Variants in SPAG16 observed in about 807,000 individuals in gnomAD.
The protein encoded by SPAG16 is sperm associated antigen 16.
Under a neutral mutation model 80.4 loss-of-function variants are expected in SPAG16, and 86 were observed. The ratio of observed to expected loss-of-function variants is 1.07; its 90% confidence interval spans 0.90 to 1.28. SPAG16 has a LOEUF of 1.28. Ranked by LOEUF, SPAG16 falls within the 50% of genes most tolerant of loss-of-function variation. The pLI is 0.00. For missense variants in SPAG16, 870 were observed against 765.3 expected, an observed-to-expected ratio of 1.14 and a Z score of -1.61; for synonymous variants, 294 against 265.9, an observed-to-expected ratio of 1.11 and a Z score of -1.03.
chr2:213,941,519 C>T (rs937521557), intron 12 of SPAG16, among the ~76,000 whole-genome samples: 4 of 152,006 alleles, frequency 2.6e-5, no homozygotes, highest in African/African-American at 4.8e-5. Context: ...TTTCCCCTAC[C>T]GCTGGATCTG....
chr2:214,249,072 T>G (rs376710330), intron 15 of SPAG16, among the ~76,000 whole-genome samples: 1 of 152,146 alleles, frequency 6.6e-6, no homozygotes, highest in Non-Finnish European at 1.5e-5. Flanking sequence ...AGCCCACAGA[T>G]TGATAGCACC....
intron 12 of SPAG16, among the ~76,000 whole-genome samples, chr2:214,003,151 G>A (rs2046871441): frequency 6.6e-6 from 1 of 152,126 alleles, no homozygotes; most frequent in African/African-American, 2.4e-5. Flanking sequence ...GAACCAGTAC[G>A]AGTCAACTGC....
intron 10 of SPAG16, among the ~76,000 whole-genome samples, chr2:213,804,682 CAACTAACT>C (rs75058174): frequency 0.11 from 16,516 of 148,658 alleles, 1,024 homozygotes; most frequent in South Asian, 0.19. Flanking sequence ...GACTCCGTCT[CAACTAACT>C]AACTAACTAA....
intron 15 of SPAG16, among the ~76,000 whole-genome samples, chr2:214,228,428 T>A (rs1688434057): frequency 6.6e-6 from 1 of 151,938 alleles, no homozygotes; most frequent in African/African-American, 2.4e-5. Flanking sequence ...TATAAGTAAT[T>A]TTTTAAGCTA....
chr2:213,336,614 G>A (rs74365153), intron 5 of SPAG16, among the ~76,000 whole-genome samples: 3,631 of 152,324 alleles, frequency 0.024, 62 homozygotes, highest in African/African-American at 0.039. Flanking sequence ...CACAGCAGCT[G>A]TGTCAGTTCA....
intron 12 of SPAG16, among the ~76,000 whole-genome samples, 195 bp from the exon 13 acceptor site, chr2:214,013,756 G>C (rs2047438110): frequency 1.3e-5 from 2 of 152,118 alleles, no homozygotes; most frequent in South Asian, 2.1e-4. Context: ...TTTGAGTGTA[G>C]TTTTATGCTA....
intron 10 of SPAG16, among the ~76,000 whole-genome samples, chr2:213,654,540 C>CAAAA (rs36009811): frequency 7.1e-5 from 4 of 56,734 alleles, no homozygotes; most frequent in African/African-American, 2.3e-4. Context: ...ACTAAAAATA[C>CAAAA]AAAAAAAAAA....
intron 10 of SPAG16, among the ~76,000 whole-genome samples, chr2:213,554,235 G>A (rs921392448): frequency 4.6e-5 from 7 of 152,170 alleles, no homozygotes; most frequent in African/African-American, 1.7e-4. Context: ...AGTGTTGGTT[G>A]CTGAGGATCC....
At chr2:214,281,585 C>T (rs1020251888) in intron 15 of SPAG16, 5 of 152,158 alleles carry the variant, frequency 3.3e-5, no homozygotes, top group African/African-American at 9.7e-5. Context: ...CTCACACACT[C>T]CTGGTGGGAA....
intron 9 of SPAG16, among the ~76,000 whole-genome samples, chr2:213,488,011 T>C (rs2074062324): frequency 6.6e-6 from 1 of 152,064 alleles, no homozygotes; most frequent in Admixed American, 6.5e-5. Flanking sequence ...CAATAATTTT[T>C]TCCATAGGCT....
At chr2:213,765,096 G>A (rs941166699) in intron 10 of SPAG16, among the ~76,000 whole-genome samples, 1 of 152,206 alleles carries the variant, frequency 6.6e-6, no homozygotes, top group African/African-American at 2.4e-5. Flanking sequence ...GGCCGGGCAC[G>A]ATGGCTCATG....
intron 10 of SPAG16, among the ~76,000 whole-genome samples, chr2:213,727,467 A>T (rs1412010245): frequency 6.6e-6 from 1 of 152,212 alleles, no homozygotes; most frequent in African/African-American, 2.4e-5. Context: ...AAAAAAATCA[A>T]TGAGAAGATA....
intron 8 of SPAG16, among the ~76,000 whole-genome samples, chr2:213,368,531 T>G (rs2066449778): frequency 6.6e-6 from 1 of 152,244 alleles, no homozygotes; most frequent in Non-Finnish European, 1.5e-5. Flanking sequence ...CTCTCACCAC[T>G]CCTATTCAAC....
At chr2:213,636,058 C>A (rs545541658) in intron 10 of SPAG16, among the ~76,000 whole-genome samples, 1 of 152,112 alleles carries the variant, frequency 6.6e-6, no homozygotes, top group Non-Finnish European at 1.5e-5. Context: ...CCAATGTTGT[C>A]TTCTGAAATT....
chr2:214,217,550 G>C (rs892922902), intron 15 of SPAG16, among the ~76,000 whole-genome samples: 3 of 152,084 alleles, frequency 2.0e-5, no homozygotes, highest in Non-Finnish European at 4.4e-5. Flanking sequence ...TTTTATGAAA[G>C]TTTATCCCAC....
intron 15 of SPAG16, among the ~76,000 whole-genome samples, chr2:214,316,539 G>A (rs534780201): frequency 2.4e-4 from 37 of 152,230 alleles, no homozygotes; most frequent in African/African-American, 5.8e-4. Context: ...AAGGACCCGC[G>A]ATGAAAGTTG....
At chr2:213,832,212 G>A (rs1028873531) in intron 10 of SPAG16, among the ~76,000 whole-genome samples, 6 of 151,868 alleles carry the variant, frequency 4.0e-5, no homozygotes, top group Non-Finnish European at 8.8e-5. Context: ...TGGCCAGGCT[G>A]ATCTTGAACT....
At chr2:213,461,371 G>A (rs778527849) in intron 9 of SPAG16, among the ~76,000 whole-genome samples, 1 of 152,190 alleles carries the variant, frequency 6.6e-6, no homozygotes, top group Non-Finnish European at 1.5e-5. Context: ...ATCTTATAGA[G>A]TAATCTTAGG....
At chr2:214,225,885 A>T (rs2058687229) in intron 15 of SPAG16, among the ~76,000 whole-genome samples, 1 of 152,138 alleles carries the variant, frequency 6.6e-6, no homozygotes, top group South Asian at 2.1e-4. Flanking sequence ...AGAAGCAATT[A>T]CAAATGCATT....
Sources: allele counts gnomAD v4.1 joint callset (sites outside exome capture counted in the v4.1 genomes callset), GRCh38; gene constraint gnomAD v4.1.1; transcripts MANE v1.5; gene names NCBI Gene and HGNC (gene_info 2026-07-23, HGNC 2026-07-21).